The following MARCHF5 variants were observed in gnomAD, a reference collection of about 807,000 sequenced individuals.
The protein encoded by MARCHF5 is membrane associated ring-CH-type finger 5.
A neutral mutation model predicts 36.5 loss-of-function variants in MARCHF5; 5 were observed. The ratio of observed to expected loss-of-function variants is 0.14; its 90% CI spans 0.07 to 0.29. MARCHF5 has a LOEUF of 0.29. Among genes scored for constraint, MARCHF5 ranks in the 10% least tolerant of loss-of-function variants. The probability of loss-of-function intolerance (pLI) is 1.00; values close to 1 mark genes in which losing one functional copy is unlikely to be tolerated. For missense variants in MARCHF5, 179 were observed against 336.3 expected (o/e 0.53, Z 3.66); for synonymous variants, 103 against 109.9 (o/e 0.94, Z 0.39).
chr10:92,333,163 CA>C (rs1843459669), intron 2 of MARCHF5, among the ~76,000 whole-genome samples: 1 of 44,774 alleles, frequency 2.2e-5, no homozygotes, highest in Non-Finnish European at 4.2e-5. Context: ...TCCGTCTTGC[CA>C]AAAGAAAAAA....
intron 2 of MARCHF5, among the ~76,000 whole-genome samples, chr10:92,316,872 T>C (rs75706525): frequency 0.016 from 2,441 of 152,252 alleles, 64 homozygotes; most frequent in African/African-American, 0.056. Flanking sequence ...AGCTGAAATG[T>C]GCATTTTAAT....
chr10:92,345,033 G>C (rs374987203), intron 3 of MARCHF5, among the ~76,000 whole-genome samples: 3 of 152,246 alleles, frequency 2.0e-5, no homozygotes, highest in South Asian at 4.2e-4. Context: ...GGTCCCAGAG[G>C]CAGCTGGAAC....
At chr10:92,336,452 G>T (rs1312241516) in intron 2 of MARCHF5, among the ~76,000 whole-genome samples, 1 of 152,150 alleles carries the variant, frequency 6.6e-6, no homozygotes, top group Non-Finnish European at 1.5e-5. Context: ...ACAAAAACAG[G>T]CAGATGTCTG....
chr10:92,316,755 GA>G (rs1281532925), intron 2 of MARCHF5, among the ~76,000 whole-genome samples: 5 of 151,438 alleles, frequency 3.3e-5, no homozygotes, highest in Admixed American at 6.6e-5. Context: ...TAGAGAGGGG[GA>G]TCACTATGTT....
At chr10:92,295,133 C>G (rs1185277187) in intron 1 of MARCHF5, among the ~76,000 whole-genome samples, 1 of 152,008 alleles carries the variant, frequency 6.6e-6, no homozygotes, top group Non-Finnish European at 1.5e-5. Flanking sequence ...CAGTACTATT[C>G]TAGGCCCTTG....
At chr10:92,325,740 C>T (rs1004632400) in intron 2 of MARCHF5, among the ~76,000 whole-genome samples, 5 of 152,132 alleles carry the variant, frequency 3.3e-5, no homozygotes, top group African/African-American at 7.2e-5. Context: ...TGCAGCTGCA[C>T]GATCTTGGCT....
At chr10:92,306,872 G>A (rs1229518261) in intron 1 of MARCHF5, among the ~76,000 whole-genome samples, 1 of 152,174 alleles carries the variant, frequency 6.6e-6, no homozygotes, top group East Asian at 1.9e-4. Flanking sequence ...AAATGAGCCA[G>A]GCGTGGTGGT....
At chr10:92,295,153 G>C (rs1349118984) in intron 1 of MARCHF5, among the ~76,000 whole-genome samples, 1 of 151,958 alleles carries the variant, frequency 6.6e-6, no homozygotes, top group Non-Finnish European at 1.5e-5. Context: ...GGTATATAGT[G>C]GTGAATTGAA....
At chr10:92,325,472 A>T (rs1843345279) in intron 2 of MARCHF5, among the ~76,000 whole-genome samples, 1 of 152,222 alleles carries the variant, frequency 6.6e-6, no homozygotes, top group Non-Finnish European at 1.5e-5. Flanking sequence ...TATAATTGTT[A>T]GGTCAAGTGC....
chr10:92,327,997 C>T (rs992083357), intron 2 of MARCHF5, among the ~76,000 whole-genome samples: 2 of 152,076 alleles, frequency 1.3e-5, no homozygotes, highest in Admixed American at 6.5e-5. Context: ...ATGAGAATTG[C>T]ACTTTGCCTC....
chr10:92,347,506 A>G (rs1843660026), intron 3 of MARCHF5, among the ~76,000 whole-genome samples: 1 of 93,422 alleles, frequency 1.1e-5, no homozygotes, highest in South Asian at 3.5e-4. Context: ...AGATAGATAG[A>G]TAGATAGATA....
chr10:92,308,851 C>T lies in MARCHF5; in HGVS notation c.36-2284C>T, dbSNP rs767729990. Among the ~76,000 whole-genome samples, 4 of 152,078 alleles carry T rather than the reference C, an allele frequency of 2.6e-5. No individual in the cohort carries two copies. The Middle Eastern group carries it at 0.01, about 388-fold the overall frequency. Reference sequence around the variant, plus strand: ...TCCTGAGTAGCTGGGACTGCAGACACCCGCCACCATGCCCAACTAATTTTT... The same window carrying T: ...TCCTGAGTAGCTGGGACTGCAGACATCCGCCACCATGCCCAACTAATTTTT... On this transcript the variant is annotated intron_variant, in intron 1 of 5. Coordinates refer to ENST00000358935, the MANE Select transcript of MARCHF5 (RefSeq NM_017824.5).
intron 2 of MARCHF5, among the ~76,000 whole-genome samples, chr10:92,324,082 C>T (rs941448217): frequency 2.0e-5 from 3 of 152,272 alleles, no homozygotes; most frequent in African/African-American, 7.2e-5. Flanking sequence ...TGATTTGGGT[C>T]ATTCTGATAG....
At chr10:92,314,757 C>CG (rs1491245611) in intron 2 of MARCHF5, among the ~76,000 whole-genome samples, 4 of 122,324 alleles carry the variant, frequency 3.3e-5, no homozygotes, top group African/African-American at 1.1e-4. Context: ...CGCCCCCCCC[C>CG]GCCAATAGAG....
At chr10:92,317,647 T>G (rs1421043517) in intron 2 of MARCHF5, among the ~76,000 whole-genome samples, 1 of 152,222 alleles carries the variant, frequency 6.6e-6, no homozygotes, top group East Asian at 1.9e-4. Flanking sequence ...CTGAACTTGC[T>G]TAATAATTTG....
intron 2 of MARCHF5, among the ~76,000 whole-genome samples, chr10:92,314,806 C>A (rs986720072): frequency 7.0e-6 from 1 of 143,008 alleles, no homozygotes; most frequent in South Asian, 2.3e-4. Flanking sequence ...GTCTCAAACT[C>A]CTGGGCTCAA....
chr10:92,304,671 A>T (rs2771248), intron 1 of MARCHF5, among the ~76,000 whole-genome samples: 1 of 152,042 alleles, frequency 6.6e-6, no homozygotes, highest in Non-Finnish European at 1.5e-5. Flanking sequence ...ACTCATTTCT[A>T]ATTGCTGTGC....
At chr10:92,295,117 T>C (rs750726362) in intron 1 of MARCHF5, among the ~76,000 whole-genome samples, 1 of 152,176 alleles carries the variant, frequency 6.6e-6, no homozygotes, top group Non-Finnish European at 1.5e-5. Context: ...AGTGTCTTCA[T>C]ATGCCCAGTA....
In MARCHF5 at chr10:92,353,959, A is replaced by G. The variant is rs374172487; in HGVS notation, c.*2752A>G. The G allele has an allele frequency of 2.0e-5, 3 of 152,700 alleles. No homozygotes were observed. Among genetic ancestry groups the G allele is most frequent in the East Asian group, 3.9e-4 (2 of 5,188 alleles). The allele number at this position is 152,700 out of a possible 1,614,324, so 9.5% of individuals were successfully genotyped here. ...GGATTAGGTTAAATAAAGAATTTTT[A>G]TGTTCTCTAGGTGTACTTTGTTAAA... On this transcript the variant is annotated 3_prime_UTR_variant, in exon 6 of 6. Transcript: ENST00000358935.
Sources: gnomAD v4.1 joint callset for allele counts (sites outside exome capture counted in the v4.1 genomes callset) on GRCh38, gnomAD v4.1.1 for gene constraint, MANE v1.5 for transcripts, NCBI Gene and HGNC (gene_info 2026-07-23, HGNC 2026-07-21) for gene names.